Variants in DOK6 observed in about 807,000 individuals in gnomAD.
DOK6 encodes the protein docking protein 6.
DOK6 carries 22 observed loss-of-function variants against 44.0 expected under a neutral mutation model. The ratio of observed to expected loss-of-function variants is 0.50; its 90% confidence interval spans 0.36 to 0.71. DOK6 has a LOEUF of 0.71. DOK6 is among the 30% of genes least tolerant of loss of function. The pLI is 0.00. For missense variants in DOK6, 340 were observed against 416.4 expected, an observed-to-expected ratio of 0.82 and a Z score of 1.60; for synonymous variants, 166 against 145.5, an observed-to-expected ratio of 1.14 and a Z score of -1.01.
Position 69,401,269 on chromosome 18 carries a change from G to A in DOK6, c.25G>A (p.Val9Ile). The A allele has an allele frequency of 6.3e-7, 1 of 1,585,474 alleles. No homozygotes were observed. The highest frequency in any genetic ancestry group is 1.7e-4 in the Middle Eastern group (1 of 5,990). ...CATGGCCTCCAACTTTAACGACATA[G>A]TCAAGCAGGGCTACGTGAAAATCCG... MASNFNDIVKQGYVKIRSR... is the reference protein window; with the variant it reads MASNFNDIIKQGYVKIRSR... Residue 9 changes from valine to isoleucine, a missense_variant, in exon 1 of 8, where the codon GTC becomes ATC. Transcript: ENST00000382713.
intron 7 of DOK6, among the ~76,000 whole-genome samples, chr18:69,813,954 C>T (rs189593569): frequency 1.3e-5 from 2 of 152,132 alleles, no homozygotes; most frequent in Admixed American, 1.3e-4. Context: ...TATTATGAAA[C>T]TTAAAAGCAA....
At chr18:69,466,349 T>C (rs774571962) in intron 1 of DOK6, among the ~76,000 whole-genome samples, 57 of 152,318 alleles carry the variant, frequency 3.7e-4, no homozygotes, top group South Asian at 8.3e-4. Context: ...GATTTCCTTC[T>C]TTTTTGAAGG....
chr18:69,826,323 T>C (rs1981739280), intron 7 of DOK6, among the ~76,000 whole-genome samples: 1 of 152,224 alleles, frequency 6.6e-6, no homozygotes, highest in Non-Finnish European at 1.5e-5. Context: ...CATCAGAACA[T>C]GGACCAGAAT....
intron 3 of DOK6, among the ~76,000 whole-genome samples, chr18:69,622,984 T>A (rs8091276): frequency 1.1e-4 from 17 of 151,990 alleles, no homozygotes; most frequent in Admixed American, 1.1e-3. Flanking sequence ...TGGCTCTGGG[T>A]CCCCACCCAA....
At chr18:69,486,610 C>A (rs1980583416) in intron 1 of DOK6, among the ~76,000 whole-genome samples, 1 of 152,052 alleles carries the variant, frequency 6.6e-6, no homozygotes, top group Admixed American at 6.6e-5. Flanking sequence ...AGTGGCTGAA[C>A]CCACATTTTG....
At chr18:69,440,874 T>G (rs1979118764) in intron 1 of DOK6, among the ~76,000 whole-genome samples, 1 of 152,106 alleles carries the variant, frequency 6.6e-6, no homozygotes, top group Non-Finnish European at 1.5e-5. Flanking sequence ...AACTTGACAT[T>G]GTCTGATTGA....
intron 3 of DOK6, among the ~76,000 whole-genome samples, chr18:69,623,971 A>G (rs1026217400): frequency 1.4e-4 from 22 of 152,302 alleles, no homozygotes; most frequent in African/African-American, 5.1e-4. Context: ...CATGATAGAC[A>G]TAGAGCCTTT....
At chr18:69,660,670 ATTT>A (rs201502374) in intron 3 of DOK6, 35,584 of 134,216 alleles carry the variant, frequency 0.27, 4,720 homozygotes, top group East Asian at 0.66. Context: ...TCTATATCTG[ATTT>A]TTTTTTTTTT....
intron 1 of DOK6, among the ~76,000 whole-genome samples, chr18:69,409,220 C>T (rs1978296681): frequency 6.6e-6 from 1 of 152,206 alleles, no homozygotes. Flanking sequence ...TCCCTGAGGC[C>T]TCCCTAGCCA....
intron 5 of DOK6, among the ~76,000 whole-genome samples, chr18:69,701,718 A>G (rs936393018): frequency 7.2e-5 from 11 of 152,250 alleles, no homozygotes; most frequent in Non-Finnish European, 8.8e-5. Flanking sequence ...TATTGCTTCC[A>G]TTTAGAAACC....
intron 3 of DOK6, among the ~76,000 whole-genome samples, chr18:69,629,967 C>T (rs10871645): frequency 0.84 from 127,389 of 151,970 alleles, 54,195 homozygotes; most frequent in Non-Finnish European, 0.93. Context: ...GGTTTCACCG[C>T]GTTGGCCAGG....
chr18:69,629,363 T>TC (rs1984634833), intron 3 of DOK6, among the ~76,000 whole-genome samples: 1 of 152,224 alleles, frequency 6.6e-6, no homozygotes, highest in Admixed American at 6.5e-5. Flanking sequence ...TTATTTTTTT[T>TC]CAATCATACT....
intron 5 of DOK6, among the ~76,000 whole-genome samples, chr18:69,734,171 C>T (rs1419517415): frequency 6.6e-6 from 1 of 150,904 alleles, no homozygotes; most frequent in Non-Finnish European, 1.5e-5. Context: ...AAATGACTAC[C>T]ATTCAACAGT....
intron 3 of DOK6, among the ~76,000 whole-genome samples, chr18:69,657,289 G>A (rs750695426): frequency 2.6e-5 from 4 of 152,074 alleles, no homozygotes; most frequent in South Asian, 2.1e-4. Flanking sequence ...ATTAACTTGC[G>A]TCTGTCAGTG....
At chr18:69,448,389 G>C (rs1288413502) in intron 1 of DOK6, among the ~76,000 whole-genome samples, 1 of 151,754 alleles carries the variant, frequency 6.6e-6, no homozygotes, top group Admixed American at 6.6e-5. Context: ...TTTTATTTTT[G>C]AGACAGAGTT....
chr18:69,577,849 T>C (rs1249705006), intron 2 of DOK6, among the ~76,000 whole-genome samples: 1 of 152,162 alleles, frequency 6.6e-6, no homozygotes, highest in Non-Finnish European at 1.5e-5. Context: ...TTAAAGTCAA[T>C]TAAAATTTTA....
chr18:69,493,041 A>G (rs1980781469), intron 1 of DOK6, among the ~76,000 whole-genome samples: 1 of 152,092 alleles, frequency 6.6e-6, no homozygotes, highest in South Asian at 2.1e-4. Context: ...AATATTAGCT[A>G]TCACATCTAT....
At chr18:69,496,271 G>C (rs958959440) in intron 1 of DOK6, among the ~76,000 whole-genome samples, 5 of 152,248 alleles carry the variant, frequency 3.3e-5, no homozygotes, top group African/African-American at 1.2e-4. Context: ...GATCCTGCCT[G>C]CTTTGTGGAG....
intron 6 of DOK6, among the ~76,000 whole-genome samples, chr18:69,739,928 T>C (rs535840273): frequency 2.2e-4 from 33 of 152,340 alleles, no homozygotes; most frequent in African/African-American, 7.9e-4. Flanking sequence ...ACTATTATTT[T>C]AGTTTTTATC....
Sources: allele counts gnomAD v4.1 joint callset (sites outside exome capture counted in the v4.1 genomes callset), GRCh38; gene constraint gnomAD v4.1.1; transcripts MANE v1.5; gene names NCBI Gene and HGNC (gene_info 2026-07-23, HGNC 2026-07-21).